The following CACNB4 variants were observed in gnomAD, a reference collection of about 807,000 sequenced individuals.
CACNB4 encodes voltage-dependent L-type calcium channel subunit beta-4.
In CACNB4, 32 loss-of-function variants were observed where a neutral mutation model predicts 71.2. The observed-to-expected ratio is 0.45, with a 90% CI of 0.34 to 0.60. CACNB4 has a LOEUF of 0.60. Among genes scored for constraint, CACNB4 ranks in the 20% least tolerant of loss-of-function variants. The probability of loss-of-function intolerance (pLI) is 0.01; values close to 1 mark genes in which losing one functional copy is unlikely to be tolerated. For synonymous variants in CACNB4, 231 were observed against 236.9 expected (o/e 0.97, Z 0.23); for missense variants, 464 against 647.9 (o/e 0.72, Z 3.08).
intron 10 of CACNB4, chr2:151,856,954 C>A (rs2881058): frequency 0.32 from 49,016 of 151,980 alleles, 10,671 homozygotes; most frequent in East Asian, 0.63. Context: ...TCCAAGCAAT[C>A]CTCCTGCCTT....
At position 152,098,153 on chromosome 2, in the gene CACNB4, G is replaced by A. The variant is rs1023086384; in HGVS notation, c.147+177C>T. On this transcript the variant is annotated intron_variant, in intron 2 of 13. Coordinates refer to ENST00000539935, the MANE Select transcript of CACNB4 (RefSeq NM_000726.5). The surrounding 1 kb of genome is among the most constrained non-coding windows in gnomAD (Gnocchi z 5.3). ...TGCGGAGACGCCGGGACGCGAAGAC[G>A]TCAAGAGCCCAGGCTAGAGGGAGAG... Among the ~76,000 whole-genome samples the A allele has an allele frequency of 6.6e-6, 1 of 152,228 alleles. No homozygotes were observed.
intron 2 of CACNB4, among the ~76,000 whole-genome samples, chr2:151,960,249 T>C (rs536793557): frequency 2.2e-4 from 34 of 152,290 alleles, no homozygotes; most frequent in African/African-American, 7.2e-4. Flanking sequence ...AGTAAACATC[T>C]GAACCTTAGA....
intron 2 of CACNB4, among the ~76,000 whole-genome samples, chr2:151,909,442 GAAAAAAACAAAAA>G (rs1217849430): frequency 2.7e-5 from 1 of 37,100 alleles, no homozygotes. Flanking sequence ...TCTCAGGGAG[GAAAAAAACAAAAA>G]AAAAAAACAA....
At chr2:151,997,351 G>C (rs6720927) in intron 2 of CACNB4, among the ~76,000 whole-genome samples, 1 of 151,716 alleles carries the variant, frequency 6.6e-6, no homozygotes. Flanking sequence ...TGGCCAACAC[G>C]GTGAAACCCC....
chr2:151,883,363 G>T lies in CACNB4; in HGVS notation c.155C>A (p.Ala52Glu). 6.2e-7 allele frequency: 1 copy of T among 1,613,746 alleles called. No individual in the cohort carries two copies. Among genetic ancestry groups the T allele is most frequent in the Non-Finnish European group, 8.5e-7 (1 of 1,179,710 alleles). The change falls in exon 3 of 14, where the codon GCG becomes GAG. Residue 52 changes from alanine (A) to glutamate (E), a missense_variant. Physicochemically the swap from Ala to Glu is moderately radical, Grantham distance 107 (BLOSUM62 -1). This residue lies in a region of CACNB4 where 299 missense variants were observed against 471.7 expected (regional missense o/e 0.63). Coordinates refer to ENST00000539935, the MANE Select transcript of CACNB4 (RefSeq NM_000726.5). Reference sequence around the variant, plus strand: ...AGACGGCCTGCTTGTGTAGGAATCCGCTGAACCCTGGCAAAGAAAATAGAA... The same window carrying T: ...AGACGGCCTGCTTGTGTAGGAATCCTCTGAACCCTGGCAAAGAAAATAGAA... ...STSFILRQGSADSYTSRPSDS... is the reference protein window; with the variant it reads ...STSFILRQGSEDSYTSRPSDS...
chr2:152,096,004 T>C (rs1300051241), intron 2 of CACNB4, among the ~76,000 whole-genome samples: 1 of 152,220 alleles, frequency 6.6e-6, no homozygotes, highest in Non-Finnish European at 1.5e-5. Context: ...AAATATTTTT[T>C]GGCATTGGGG....
chr2:152,085,731 G>A (rs1352555495), intron 2 of CACNB4, among the ~76,000 whole-genome samples: 1 of 151,766 alleles, frequency 6.6e-6, no homozygotes, highest in African/African-American at 2.4e-5. Context: ...CCACAATAAT[G>A]GCGGATGTTT....
intron 2 of CACNB4, among the ~76,000 whole-genome samples, chr2:152,069,792 T>C (rs1041384307): frequency 9.9e-5 from 15 of 151,812 alleles, no homozygotes; most frequent in African/African-American, 3.6e-4. Flanking sequence ...CAGAAAATAT[T>C]CTCCTTTATT....
intron 2 of CACNB4, among the ~76,000 whole-genome samples, chr2:151,914,193 T>C (rs2099856920): frequency 1.3e-5 from 2 of 152,290 alleles, no homozygotes; most frequent in Admixed American, 1.3e-4. Flanking sequence ...TCTCTATTCT[T>C]GTCTGCATGT....
At chr2:151,958,238 T>C (rs1459513581) in intron 2 of CACNB4, among the ~76,000 whole-genome samples, 1 of 152,176 alleles carries the variant, frequency 6.6e-6, no homozygotes, top group Non-Finnish European at 1.5e-5. Context: ...AAGGATAATA[T>C]ATGGCAAGCT....
intron 2 of CACNB4, among the ~76,000 whole-genome samples, chr2:152,004,931 A>G (rs1682639750): frequency 6.6e-6 from 1 of 152,180 alleles, no homozygotes; most frequent in African/African-American, 2.4e-5. Context: ...AGTGGTCCCT[A>G]TTTAAATTAC....
intron 2 of CACNB4, among the ~76,000 whole-genome samples, chr2:151,915,097 C>G (rs181520619): frequency 5.6e-4 from 85 of 152,310 alleles, no homozygotes; most frequent in African/African-American, 1.9e-3. Flanking sequence ...GTTTGCTGGT[C>G]CACAGAGACT....
Position 151,978,731 on chromosome 2 carries a change from G to T in CACNB4, c.148-95361C>A, listed in dbSNP as rs150800188. 2.6e-3 allele frequency among the ~76,000 whole-genome samples: 389 copies of T among 152,206 alleles called. 3 individuals are homozygous for T. Among genetic ancestry groups the T allele is most frequent in the African/African-American group, 8.7e-3 (363 of 41,520 alleles). ...TCTGGCCTAAAGCCCTGATGCCCTT[G>T]CCTCTAGGGTGGGATTGCTAAACCT... is the stretch of plus-strand genomic sequence containing the variant. On this transcript the variant is annotated intron_variant, in intron 2 of 13. Transcript: ENST00000539935.
chr2:152,032,962 A>AAAT (rs1560148579), intron 2 of CACNB4, among the ~76,000 whole-genome samples: 12 of 152,106 alleles, frequency 7.9e-5, no homozygotes, highest in South Asian at 4.1e-4. Flanking sequence ...TCTTAAAAAA[A>AAAT]AAATAAATAA....
intron 2 of CACNB4, among the ~76,000 whole-genome samples, chr2:151,884,506 C>G (rs1387058295): frequency 6.7e-6 from 1 of 148,654 alleles, no homozygotes. Context: ...TGGTGGCGGG[C>G]GCCTGTAGTC....
At chr2:151,948,054 T>C (rs1381699517) in intron 2 of CACNB4, among the ~76,000 whole-genome samples, 1 of 152,140 alleles carries the variant, frequency 6.6e-6, no homozygotes, top group Non-Finnish European at 1.5e-5. Context: ...CATAAGGCAA[T>C]GTGGGTATGG....
chr2:152,029,729 G>A (rs1684179624), intron 2 of CACNB4, among the ~76,000 whole-genome samples: 1 of 152,074 alleles, frequency 6.6e-6, no homozygotes, highest in South Asian at 2.1e-4. Flanking sequence ...CATGAGGGCA[G>A]AGCCTCATGA....
At chr2:152,025,241 A>C (rs1683899645) in intron 2 of CACNB4, among the ~76,000 whole-genome samples, 1 of 152,138 alleles carries the variant, frequency 6.6e-6, no homozygotes, top group Non-Finnish European at 1.5e-5. Context: ...CATATGTGTA[A>C]ATTAAGTTTG....
intron 2 of CACNB4, among the ~76,000 whole-genome samples, chr2:151,932,396 T>C (rs900100325): frequency 1.3e-5 from 2 of 152,086 alleles, no homozygotes; most frequent in African/African-American, 4.8e-5. Flanking sequence ...GCAGTCGATA[T>C]ACCCCACAAG....
Sources: gnomAD v4.1 joint callset for allele counts (sites outside exome capture counted in the v4.1 genomes callset) on GRCh38, gnomAD v4.1.1 for gene constraint, gnomAD v4.1.1 regional missense constraint, Gnocchi (gnomAD v3.1) non-coding constraint, MANE v1.5 for transcripts, NCBI Gene and HGNC (gene_info 2026-07-23, HGNC 2026-07-21) for gene names.